Variants in CPS1 observed in about 807,000 individuals in gnomAD.
CPS1 encodes carbamoyl-phosphate synthase 1.
In CPS1, 109 loss-of-function variants were observed where a neutral mutation model predicts 174.6. The ratio of observed to expected loss-of-function variants is 0.62; its 90% confidence interval spans 0.53 to 0.73. The LOEUF is 0.73. Among genes scored for constraint, CPS1 ranks in the 30% least tolerant of loss-of-function variants. The pLI is 0.00. For synonymous variants in CPS1, 637 were observed against 632.0 expected (o/e 1.01, Z -0.12); for missense variants, 1,689 against 1,821.9 (o/e 0.93, Z 1.33).
chr2:210,626,904 T>C (rs1699714899), intron 21 of CPS1, among the ~76,000 whole-genome samples: 1 of 152,186 alleles, frequency 6.6e-6, no homozygotes, highest in African/African-American at 2.4e-5. Flanking sequence ...GTGAAAAATA[T>C]CACTATCCTA....
intron 24 of CPS1, among the ~76,000 whole-genome samples, 166 bp downstream of exon 24, chr2:210,640,225 C>A (rs978407884): frequency 6.6e-6 from 1 of 152,098 alleles, no homozygotes. Context: ...ATATATACAG[C>A]TATTTAGTGG....
chr2:210,589,683 A>G (rs930770753), intron 7 of CPS1, among the ~76,000 whole-genome samples: 1 of 151,926 alleles, frequency 6.6e-6, no homozygotes, highest in South Asian at 2.1e-4. Flanking sequence ...ATTTTGAGAC[A>G]GGGTCTTACT....
chr2:210,483,474 A>G (rs766159681), intron 1 of CPS1, among the ~76,000 whole-genome samples: 3 of 152,198 alleles, frequency 2.0e-5, no homozygotes, highest in Non-Finnish European at 4.4e-5. Context: ...CCATCACGTG[A>G]GTGGTGACCC....
At position 210,600,574 on chromosome 2, in the gene CPS1, A is replaced by G. The variant is rs140475976; in HGVS notation, c.1569A>G (p.Arg523=). The change falls in exon 15 of 38, where the codon AGA becomes AGG. Residue 523 remains arginine (R), a synonymous_variant. Coordinates refer to ENST00000233072, the MANE Select transcript of CPS1 (RefSeq NM_001875.5). The stretch of plus-strand genomic sequence containing the variant: ...CTTTAGGAGTGGAACTATTCAAGAG[A>G]GGTGTGCTCAAGGAATATGGTGTGA... ...ALNCGVELFK[R]GVLKEYGVKV... is the part of the protein sequence containing the mutation. 491 of 1,612,146 alleles carry G rather than the reference A, an allele frequency of 3.0e-4. No homozygotes were observed. Among genetic ancestry groups the G allele is most frequent in the Middle Eastern group, 1.7e-3 (10 of 6,046 alleles).
intron 1 of CPS1, among the ~76,000 whole-genome samples, chr2:210,491,643 T>A (rs1194977646): frequency 1.3e-5 from 2 of 152,088 alleles, no homozygotes; most frequent in Non-Finnish European, 2.9e-5. Context: ...GTTCTGAGTG[T>A]CCTGTGGCAA....
At chr2:210,628,488 T>A (rs1283972894) in intron 21 of CPS1, among the ~76,000 whole-genome samples, 1 of 152,180 alleles carries the variant, frequency 6.6e-6, no homozygotes, top group African/African-American at 2.4e-5. Flanking sequence ...AAAATTATTC[T>A]TATATATCTT....
intron 1 of CPS1, among the ~76,000 whole-genome samples, chr2:210,505,091 TA>T (rs1387365950): frequency 6.6e-6 from 1 of 152,008 alleles, no homozygotes; most frequent in Non-Finnish European, 1.5e-5. Context: ...GTTTTTAGTG[TA>T]ATTCATGCTG....
intron 21 of CPS1, among the ~76,000 whole-genome samples, chr2:210,633,494 T>A (rs1220634139): frequency 6.6e-6 from 1 of 152,160 alleles, no homozygotes; most frequent in African/African-American, 2.4e-5. Flanking sequence ...GTTAGACTCT[T>A]GTGGTGAAAA....
intron 21 of CPS1, among the ~76,000 whole-genome samples, chr2:210,630,092 CA>C (rs11372499): frequency 1.7e-4 from 23 of 132,894 alleles, no homozygotes; most frequent in African/African-American, 3.2e-4. Flanking sequence ...AAAAACAAAA[CA>C]AAAAAAAAAA....
chr2:210,540,209 T>C (rs1479807864), intron 1 of CPS1, among the ~76,000 whole-genome samples: 1 of 152,218 alleles, frequency 6.6e-6, no homozygotes, highest in Non-Finnish European at 1.5e-5. Context: ...GCAAATCCCG[T>C]TGCCTTGCCA....
intron 1 of CPS1, among the ~76,000 whole-genome samples, chr2:210,530,378 A>AAAG (rs1696086765): frequency 6.6e-6 from 1 of 152,116 alleles, no homozygotes; most frequent in African/African-American, 2.4e-5. Context: ...TCAACTATAA[A>AAAG]AATAAAATTA....
chr2:210,598,079 G>A (rs1315709337), intron 13 of CPS1, among the ~76,000 whole-genome samples: 1 of 150,522 alleles, frequency 6.6e-6, no homozygotes. Flanking sequence ...TAAATACAAG[G>A]GGGAGCAGCT....
At chr2:210,509,781 G>A (rs980257972) in intron 1 of CPS1, among the ~76,000 whole-genome samples, 13 of 152,088 alleles carry the variant, frequency 8.5e-5, no homozygotes, top group African/African-American at 3.1e-4. Flanking sequence ...ATTCACAATT[G>A]CTTCAGAGAA....
chr2:210,571,409 TG>T (rs2106069080), intron 1 of CPS1, among the ~76,000 whole-genome samples: 1 of 152,072 alleles, frequency 6.6e-6, no homozygotes, highest in East Asian at 1.9e-4. Context: ...TAGAGTACAT[TG>T]TTCAATCTTT....
chr2:210,616,564 C>A (rs1263327963), intron 21 of CPS1, 23 bp downstream of exon 21: 3 of 1,352,490 alleles, frequency 2.2e-6, no homozygotes, highest in African/African-American at 2.9e-5. Context: ...TGCTCTCATT[C>A]ATGCCAGACA....
At chr2:210,509,843 G>A (rs1433268275) in intron 1 of CPS1, among the ~76,000 whole-genome samples, 2 of 152,096 alleles carry the variant, frequency 1.3e-5, no homozygotes, top group African/African-American at 2.4e-5. Context: ...TCTTTAAGGA[G>A]AACTACAAAC....
intron 1 of CPS1, among the ~76,000 whole-genome samples, chr2:210,543,651 A>C (rs1159708475): frequency 6.6e-5 from 10 of 152,114 alleles, no homozygotes; most frequent in Admixed American, 5.2e-4. Context: ...ATTTGTAATT[A>C]TATATTGTGA....
intron 1 of CPS1, among the ~76,000 whole-genome samples, chr2:210,484,409 C>T (rs1694659983): frequency 6.6e-6 from 1 of 152,180 alleles, no homozygotes; most frequent in South Asian, 2.1e-4. Context: ...ACACTTTATC[C>T]TAAAGACAAT....
chr2:210,646,122 CT>C (rs1201319009), intron 25 of CPS1, among the ~76,000 whole-genome samples: 1 of 152,048 alleles, frequency 6.6e-6, no homozygotes, highest in Non-Finnish European at 1.5e-5. Flanking sequence ...CAAACTTTTG[CT>C]ATAAGTTGCT....
Sources: gnomAD v4.1 joint callset for allele counts (sites outside exome capture counted in the v4.1 genomes callset) on GRCh38, gnomAD v4.1.1 for gene constraint, MANE v1.5 for transcripts, NCBI Gene and HGNC (gene_info 2026-07-23, HGNC 2026-07-21) for gene names.